Variants in WWOX observed in about 807,000 individuals in gnomAD.
WWOX encodes the protein WW domain containing oxidoreductase.
Under a neutral mutation model 46.2 loss-of-function variants are expected in WWOX, and 69 were observed. The ratio of observed to expected loss-of-function variants is 1.49; its 90% CI spans 1.23 to 1.82. The LOEUF (loss-of-function observed/expected upper bound fraction) is 1.82. Among genes scored for constraint, WWOX ranks in the 40% most tolerant of loss-of-function variants. The pLI is 0.00. For synonymous variants in WWOX, 359 were observed against 202.6 expected (o/e 1.77, Z -6.56); for missense variants, 919 against 542.6 (o/e 1.69, Z -6.89).
intron 8 of WWOX, among the ~76,000 whole-genome samples, chr16:79,001,455 A>G (rs1477502874): frequency 6.6e-6 from 1 of 152,188 alleles, no homozygotes; most frequent in Non-Finnish European, 1.5e-5. Context: ...GCCAAGCTAA[A>G]TTTGTGCGTG....
At chr16:79,079,771 C>T (rs1042445538) in intron 8 of WWOX, among the ~76,000 whole-genome samples, 2 of 152,248 alleles carry the variant, frequency 1.3e-5, no homozygotes, top group African/African-American at 4.8e-5. Context: ...ATTTTGCAGA[C>T]ACAACAAATT....
intron 8 of WWOX, among the ~76,000 whole-genome samples, chr16:78,858,190 A>C (rs1264372613): frequency 2.1e-5 from 3 of 144,320 alleles, no homozygotes; most frequent in African/African-American, 7.8e-5. Context: ...GCTGTGCATG[A>C]TATAAGTTTT....
chr16:78,924,965 C>T (rs747097387), intron 8 of WWOX, among the ~76,000 whole-genome samples: 4 of 152,024 alleles, frequency 2.6e-5, no homozygotes, highest in African/African-American at 7.3e-5. Context: ...GGGGCCAAGG[C>T]GGGAGGATCA....
chr16:78,104,552 A>T lies in WWOX; in HGVS notation c.108-3871A>T, dbSNP rs1239549410. On this transcript the variant is annotated intron_variant, in intron 1 of 8. Transcript: ENST00000566780. ...CCATACGTGGAAGTGTGGTATTCACATAATATGATGTTCACTTAAATTTGA... is the reference window on the plus strand; with the variant it reads ...CCATACGTGGAAGTGTGGTATTCACTTAATATGATGTTCACTTAAATTTGA... Among the ~76,000 whole-genome samples the T allele has an allele frequency of 2.0e-5, 3 of 152,174 alleles. No homozygotes were observed. In the East Asian group the frequency reaches 5.8e-4, roughly 29 times the overall value.
At chr16:78,615,971 C>T (rs569766289) in intron 8 of WWOX, among the ~76,000 whole-genome samples, 3 of 152,186 alleles carry the variant, frequency 2.0e-5, no homozygotes, top group South Asian at 4.1e-4. Flanking sequence ...AGGATGGTCT[C>T]GATCTCCTGA....
At chr16:78,544,996 T>G (rs1388010368) in intron 8 of WWOX, among the ~76,000 whole-genome samples, 4 of 151,880 alleles carry the variant, frequency 2.6e-5, no homozygotes, top group South Asian at 2.1e-4. Context: ...GGGCACATAG[T>G]GAGACACCAG....
intron 8 of WWOX, among the ~76,000 whole-genome samples, chr16:78,751,943 T>C (rs901676668): frequency 7.2e-5 from 11 of 152,194 alleles, no homozygotes; most frequent in African/African-American, 2.7e-4. Flanking sequence ...GTCTTTCTTC[T>C]GGTGCCTCCA....
intron 8 of WWOX, among the ~76,000 whole-genome samples, chr16:78,937,502 C>G (rs2045764683): frequency 7.6e-6 from 1 of 131,558 alleles, no homozygotes; most frequent in Admixed American, 8.2e-5. Context: ...ACTGTGTTGC[C>G]CAGGCTGGTC....
At chr16:79,047,698 T>A (rs1013478603) in intron 8 of WWOX, among the ~76,000 whole-genome samples, 1 of 145,920 alleles carries the variant, frequency 6.9e-6, no homozygotes. Context: ...TTTTTTTTTT[T>A]TTTGCTTGTC....
At chr16:79,162,589 A>C (rs1014255450) in intron 8 of WWOX, among the ~76,000 whole-genome samples, 10 of 152,196 alleles carry the variant, frequency 6.6e-5, no homozygotes, top group Non-Finnish European at 1.5e-4. Context: ...CCTTAGGGAC[A>C]GGACAATAAA....
intron 8 of WWOX, among the ~76,000 whole-genome samples, chr16:78,543,738 A>C (rs1324078127): frequency 6.6e-6 from 1 of 152,174 alleles, no homozygotes; most frequent in African/African-American, 2.4e-5. Flanking sequence ...ATCCATCCTC[A>C]AAACAGAAAC....
chr16:78,885,599 G>A lies in WWOX; in HGVS notation c.1057-326009G>A, dbSNP rs1330748398. Among the ~76,000 whole-genome samples the A allele has an allele frequency of 2.6e-5, 4 of 152,184 alleles. No individual in the cohort carries two copies. The East Asian group carries it at 7.7e-4, about 29-fold the overall frequency. Reference sequence around the variant, plus strand: ...AGAGTTCTGCTAACCAAAATTCAGAGAAACTAGAGCCTCAGTCTCTGATTT... The same window carrying A: ...AGAGTTCTGCTAACCAAAATTCAGAAAAACTAGAGCCTCAGTCTCTGATTT... On this transcript the variant is annotated intron_variant, in intron 8 of 8. Transcript: ENST00000566780.
rs560768079 is a variant in WWOX, at chr16:78,803,098, C to G, written c.1056+370346C>G. On this transcript the variant is annotated intron_variant, in intron 8 of 8. Transcript: ENST00000566780. ...TTTTAAAAAATGTCTTGGAATCAGTCATAGTTTAATATCAATTATATATAA... is the reference window on the plus strand; with the variant it reads ...TTTTAAAAAATGTCTTGGAATCAGTGATAGTTTAATATCAATTATATATAA... Among the ~76,000 whole-genome samples the G allele has an allele frequency of 2.3e-3, 343 of 151,614 alleles. 2 individuals are homozygous for G. The highest frequency in any genetic ancestry group is 2.5e-3 in the South Asian group (12 of 4,774).
At chr16:78,477,734 C>T (rs897307347) in intron 8 of WWOX, among the ~76,000 whole-genome samples, 8 of 151,908 alleles carry the variant, frequency 5.3e-5, no homozygotes, top group Non-Finnish European at 8.8e-5. Context: ...AACCATGTTA[C>T]GTGCGGATAA....
chr16:78,353,944 G>C (rs1400744478), intron 5 of WWOX, among the ~76,000 whole-genome samples: 1 of 152,212 alleles, frequency 6.6e-6, no homozygotes, highest in East Asian at 1.9e-4. Context: ...GTGAACATCT[G>C]TCTAATTGTT....
intron 5 of WWOX, among the ~76,000 whole-genome samples, chr16:78,338,940 CATTT>C (rs2080952702): frequency 8.3e-6 from 1 of 120,720 alleles, no homozygotes; most frequent in East Asian, 1.9e-4. Context: ...ATTTCTAACT[CATTT>C]AGTGAATTCA....
At chr16:78,139,124 A>G (rs774223160) in intron 4 of WWOX, among the ~76,000 whole-genome samples, 1 of 152,194 alleles carries the variant, frequency 6.6e-6, no homozygotes, top group African/African-American at 2.4e-5. Flanking sequence ...CCTAGGAGCA[A>G]CCCTTAAAGG....
intron 8 of WWOX, among the ~76,000 whole-genome samples, chr16:78,987,265 G>C (rs1250460093): frequency 1.3e-5 from 2 of 152,130 alleles, no homozygotes; most frequent in Non-Finnish European, 2.9e-5. Flanking sequence ...TTTATTGATT[G>C]CTTTAGGTTC....
chr16:78,890,686 G>C lies in WWOX; in HGVS notation c.1057-320922G>C, dbSNP rs567726089. ...CCAGTCTTTCCCTAGACCAGCATCT[G>C]AGCGTGCCTTGTCTATGGGCCACCT... On this transcript the variant is annotated intron_variant, in intron 8 of 8. Coordinates refer to ENST00000566780, the MANE Select transcript of WWOX (RefSeq NM_016373.4). 1.3e-5 allele frequency: 2 copies of C among 152,344 alleles called. 1 individual carries two copies. Among genetic ancestry groups the C allele is most frequent in the East Asian group, 3.9e-4 (2 of 5,184 alleles). The allele number at this position is 152,344 out of a possible 1,614,324, so 9.4% of individuals were successfully genotyped here. A position where few individuals can be genotyped will look rare whatever the true frequency, so the allele number is the denominator to read the frequency against.
Sources: allele counts gnomAD v4.1 joint callset (sites outside exome capture counted in the v4.1 genomes callset), GRCh38; gene constraint gnomAD v4.1.1; transcripts MANE v1.5; gene names NCBI Gene and HGNC (gene_info 2026-07-23, HGNC 2026-07-21).